The following PCDHGA10 variants were observed in gnomAD, a reference collection of about 807,000 sequenced individuals.
The protein encoded by PCDHGA10 is protocadherin gamma-A10.
A neutral mutation model predicts 59.5 loss-of-function variants in PCDHGA10; 42 were observed. The observed-to-expected ratio is 0.71, with a 90% confidence interval of 0.55 to 0.91. PCDHGA10 has a LOEUF of 0.91. Ranked by LOEUF, PCDHGA10 falls within the 40% of genes least tolerant of loss-of-function variation. The pLI is 0.00. For missense variants in PCDHGA10, 1,111 were observed against 1,198.2 expected (o/e 0.93, Z 1.07); for synonymous variants, 511 against 517.2 (o/e 0.99, Z 0.16).
intron 3 of PCDHGA10, among the ~76,000 whole-genome samples, chr5:141,506,189 G>A (rs529165145): frequency 3.6e-4 from 55 of 152,262 alleles, no homozygotes; most frequent in African/African-American, 1.1e-3. Flanking sequence ...GGTGGCTCAC[G>A]CCTGTAATCC....
At position 141,431,317 on chromosome 5, in the gene PCDHGA10, C is replaced by T. The variant is rs778667104; in HGVS notation, c.2436+15706C>T. ...TCTCCCTCATCGTGCAAAATGGAGC[C>T]GACGGTAGTAAGTACCCCGAATTGG... On this transcript the variant is annotated intron_variant, in intron 1 of 3. Coordinates refer to ENST00000398610, the MANE Select transcript of PCDHGA10 (RefSeq NM_018913.3). This position sits in a 1 kb window ranked among gnomAD's most constrained non-coding sequence, Gnocchi z 4.8. The T allele has an allele frequency of 6.2e-6, 10 of 1,613,964 alleles. No homozygotes were observed. The highest frequency in any genetic ancestry group is 7.6e-6 in the Non-Finnish European group (9 of 1,180,046).
chr5:141,498,105 G>C (rs150297456), intron 2 of PCDHGA10, among the ~76,000 whole-genome samples: 1 of 152,324 alleles, frequency 6.6e-6, no homozygotes, highest in East Asian at 1.9e-4. Flanking sequence ...TGGTGTGGGC[G>C]TATAATAGGG....
At position 141,432,325 on chromosome 5, in the gene PCDHGA10, C is replaced by T. The variant is rs752180978; in HGVS notation, c.2436+16714C>T. ...TGTATGCGCTGAGCTCCTTCGACTACGAGCAGTTCCGAGACTTGCAAGTGA... is the reference window on the plus strand; with the variant it reads ...TGTATGCGCTGAGCTCCTTCGACTATGAGCAGTTCCGAGACTTGCAAGTGA... On this transcript the variant is annotated intron_variant, in intron 1 of 3. Coordinates refer to ENST00000398610, the MANE Select transcript of PCDHGA10 (RefSeq NM_018913.3). The surrounding 1 kb of genome is among the most constrained non-coding windows in gnomAD (Gnocchi z 6.0). 68 of 1,614,142 alleles carry T rather than the reference C, an allele frequency of 4.2e-5. No individual in the cohort carries two copies. Among genetic ancestry groups the T allele is most frequent in the Non-Finnish European group, 5.2e-5 (61 of 1,180,050 alleles).
intron 1 of PCDHGA10, among the ~76,000 whole-genome samples, chr5:141,446,482 C>CT (rs112180482): frequency 6.3e-4 from 92 of 147,004 alleles, no homozygotes; most frequent in East Asian, 4.0e-3. Context: ...GGTCATCATT[C>CT]TTTTTTTTTT....
Position 141,415,116 on chromosome 5 carries a change from A to T in PCDHGA10, c.1941A>T (p.Val647=). Reference sequence around the variant, plus strand: ...GAGACGCGCTCAAGCAAAGCCTCGTAGTGGCCGTCCAGGACCACGGCCAGC... The same window carrying T: ...GAGACGCGCTCAAGCAAAGCCTCGTTGTGGCCGTCCAGGACCACGGCCAGC... ...LDRDALKQSL[V]VAVQDHGQPP... is the part of the protein sequence containing the mutation. Residue 647 remains valine (V), a synonymous_variant, in exon 1 of 4, where the codon GTA becomes GTT. Coordinates refer to ENST00000398610, the MANE Select transcript of PCDHGA10 (RefSeq NM_018913.3). 1 of 1,613,652 alleles carries T rather than the reference A, an allele frequency of 6.2e-7. No individual in the cohort carries two copies. The highest frequency in any genetic ancestry group is 8.5e-7 in the Non-Finnish European group (1 of 1,179,996).
At chr5:141,508,824 G>T (rs893436748) in intron 3 of PCDHGA10, among the ~76,000 whole-genome samples, 1 of 151,952 alleles carries the variant, frequency 6.6e-6, no homozygotes, top group Non-Finnish European at 1.5e-5. Context: ...CCAGATCTGG[G>T]CCCCCCTCCC....
intron 3 of PCDHGA10, among the ~76,000 whole-genome samples, chr5:141,510,424 C>T (rs2154594619): frequency 6.6e-6 from 1 of 152,236 alleles, no homozygotes; most frequent in South Asian, 2.1e-4. Flanking sequence ...GCCATGGTTT[C>T]ATGGCTGCTG....
chr5:141,488,518 G>A lies in PCDHGA10; in HGVS notation c.2437-6289G>A, dbSNP rs2233597. On this transcript the variant is annotated intron_variant, in intron 1 of 3. Coordinates refer to ENST00000398610, the MANE Select transcript of PCDHGA10 (RefSeq NM_018913.3). Reference sequence around the variant, plus strand: ...CACTCATTCCACATTTGGGGTCTGGGGTGTCAGAAAAGCTAAGTCCCATGT... The same window carrying A: ...CACTCATTCCACATTTGGGGTCTGGAGTGTCAGAAAAGCTAAGTCCCATGT... Among the ~76,000 whole-genome samples the A allele has an allele frequency of 5.8e-3, 879 of 152,218 alleles. 4 individuals are homozygous for A. The highest frequency in any genetic ancestry group is 0.021 in the African/African-American group (853 of 41,520).
chr5:141,491,845 G>A lies in PCDHGA10; in HGVS notation c.2437-2962G>A. 6.8e-7 allele frequency: 1 copy of A among 1,463,944 alleles called. No homozygotes were observed. The highest frequency in any genetic ancestry group is 9.0e-7 in the Non-Finnish European group (1 of 1,106,126). 90.7% of individuals were successfully genotyped at this position (1,463,944 alleles called of 1,614,324 possible). ...CTCCACCCGATTCTCGGGATCATTGGACCGTTTGCGCGAAACCAGAGTGGC... is the reference window on the plus strand; with the variant it reads ...CTCCACCCGATTCTCGGGATCATTGAACCGTTTGCGCGAAACCAGAGTGGC... On this transcript the variant is annotated intron_variant, in intron 1 of 3. Coordinates refer to ENST00000398610, the MANE Select transcript of PCDHGA10 (RefSeq NM_018913.3). This position sits in a 1 kb window ranked among gnomAD's most constrained non-coding sequence, Gnocchi z 6.9.
Position 141,415,037 on chromosome 5 carries a change from T to G in PCDHGA10, c.1862T>G (p.Phe621Cys), listed in dbSNP as rs775779136. The G allele has an allele frequency of 5.0e-6, 8 of 1,613,384 alleles. No homozygotes were observed. In the Admixed American group the frequency reaches 8.3e-5, roughly 17 times the overall value. ...RLLKASEPGL[F>C]AVGEHTGEVR... ...CTCAAGGCCAGCGAGCCGGGACTCT[T>G]CGCGGTGGGGGAGCACACGGGCGAG... is the stretch of plus-strand genomic sequence containing the variant. Residue 621 changes from phenylalanine (F) to cysteine (C), a missense_variant, in exon 1 of 4, where the codon TTC becomes TGC. Coordinates refer to ENST00000398610, the MANE Select transcript of PCDHGA10 (RefSeq NM_018913.3).
chr5:141,417,893 G>T (rs766340497), intron 1 of PCDHGA10: 2 of 1,572,670 alleles, frequency 1.3e-6, no homozygotes, highest in Admixed American at 1.9e-5. Flanking sequence ...GCGCCGGGCC[G>T]GCCCGCGGCA....
At chr5:141,439,190 C>CA (rs200519543) in intron 1 of PCDHGA10, among the ~76,000 whole-genome samples, 17,650 of 111,626 alleles carry the variant, frequency 0.16, 1,295 homozygotes, top group African/African-American at 0.25. Context: ...GAGACTCTGA[C>CA]AAAAAAAAAA....
Position 141,415,349 on chromosome 5 carries a change from A to G in PCDHGA10, c.2174A>G (p.Lys725Arg), listed in dbSNP as rs921019257. The G allele has an allele frequency of 1.2e-6, 2 of 1,614,220 alleles. No individual in the cohort carries two copies. Among genetic ancestry groups the G allele is most frequent in the Non-Finnish European group, 1.7e-6 (2 of 1,180,040 alleles). The change falls in exon 1 of 4, where the codon AAG becomes AGG. Residue 725 changes from lysine to arginine, a missense_variant. Lys to Arg is a conservative substitution (Grantham distance 26). Coordinates refer to ENST00000398610, the MANE Select transcript of PCDHGA10 (RefSeq NM_018913.3). Reference sequence around the variant, plus strand: ...GCGCACAGGCTGCGGCGCTGGCACAAGTCACGCCTGCTGCAGGCTTCAGGA... The same window carrying G: ...GCGCACAGGCTGCGGCGCTGGCACAGGTCACGCCTGCTGCAGGCTTCAGGA... ...LLAHRLRRWH[K>R]SRLLQASGGG...
Position 141,413,677 on chromosome 5 carries a change from G to C in PCDHGA10, c.502G>C (p.Val168Leu), listed in dbSNP as rs539552615. Residue 168 changes from valine to leucine, a missense_variant, in exon 1 of 4, where the codon GTG becomes CTG. Physicochemically the swap from Val to Leu is conservative, Grantham distance 32. Coordinates refer to ENST00000398610, the MANE Select transcript of PCDHGA10 (RefSeq NM_018913.3). ...GGAAGCTATTGATCCGGATGTGGGC[G>C]TGAACTCCCTGCAGAGCTATCAGCT... ...LPEAIDPDVG[V>L]NSLQSYQLSP... The C allele has an allele frequency of 6.2e-7, 1 of 1,613,794 alleles. No homozygotes were observed. Among genetic ancestry groups the C allele is most frequent in the South Asian group, 1.1e-5 (1 of 91,086 alleles).
At chr5:141,430,384 A>G (rs547268242) in intron 1 of PCDHGA10, among the ~76,000 whole-genome samples, 32 of 122,116 alleles carry the variant, frequency 2.6e-4, no homozygotes, top group East Asian at 6.6e-4. Context: ...GCTCATTGGG[A>G]AAAAAAAAAA....
At chr5:141,435,346 G>A (rs2097758346) in intron 1 of PCDHGA10, among the ~76,000 whole-genome samples, 1 of 152,012 alleles carries the variant, frequency 6.6e-6, no homozygotes, top group South Asian at 2.1e-4. Flanking sequence ...TATTTCTTCT[G>A]CATTTAAAAT....
intron 1 of PCDHGA10, chr5:141,422,160 A>C: frequency 6.4e-7 from 1 of 1,573,304 alleles, no homozygotes; most frequent in South Asian, 1.2e-5. Context: ...TGGATTTTGA[A>C]AAATATAGAT....
At position 141,460,912 on chromosome 5, in the gene PCDHGA10, G is replaced by GTGTATATA. The variant is rs145509489; in HGVS notation, c.2437-33894_2437-33893insGTATATAT. ...TCGTGGCTGAGTAATATTCCATGGTGTATATATATATATGTGTGTGTGTAT... is the reference window on the plus strand; with the variant it reads ...TCGTGGCTGAGTAATATTCCATGGTGTGTATATATATATATATATATGTGTGTGTGTAT... On this transcript the variant is annotated intron_variant, in intron 1 of 3. Transcript: ENST00000398610. Among the ~76,000 whole-genome samples the GTGTATATA allele has an allele frequency of 5.0e-3, 740 of 149,316 alleles. 4 individuals are homozygous for GTGTATATA. The highest frequency in any genetic ancestry group is 0.015 in the African/African-American group (617 of 40,618).
intron 1 of PCDHGA10, among the ~76,000 whole-genome samples, chr5:141,455,803 A>G (rs1197986124): frequency 6.6e-6 from 1 of 152,068 alleles, no homozygotes; most frequent in Non-Finnish European, 1.5e-5. Context: ...TGCTTTAAAA[A>G]ATGAAAACTT....
Sources: allele counts gnomAD v4.1 joint callset (sites outside exome capture counted in the v4.1 genomes callset), GRCh38; gene constraint gnomAD v4.1.1; non-coding constraint Gnocchi (gnomAD v3.1); transcripts MANE v1.5; gene names NCBI Gene and HGNC (gene_info 2026-07-23, HGNC 2026-07-21).